Variants in SDK1 observed in about 807,000 individuals in gnomAD.
SDK1 encodes the protein protein sidekick-1.
Under a neutral mutation model 245.5 loss-of-function variants are expected in SDK1, and 157 were observed. The observed-to-expected ratio is 0.64, with a 90% confidence interval of 0.56 to 0.73. The LOEUF (loss-of-function observed/expected upper bound fraction) is 0.73, where lower values mean the gene tolerates loss of function less well. Among genes scored for constraint, SDK1 ranks in the 30% least tolerant of loss-of-function variants. The pLI is 0.00. For missense variants in SDK1, 3,583 were observed against 3,002.3 expected (o/e 1.19, Z -4.52); for synonymous variants, 1,647 against 1,278.5 (o/e 1.29, Z -6.15).
intron 28 of SDK1, among the ~76,000 whole-genome samples, chr7:4,140,343 C>T (rs1197989200): frequency 6.6e-6 from 1 of 152,160 alleles, no homozygotes; most frequent in Non-Finnish European, 1.5e-5. Flanking sequence ...CTTTCTGGAA[C>T]AATTCAGCCT....
chr7:3,920,104 G>T (rs948514476), intron 5 of SDK1, among the ~76,000 whole-genome samples: 2 of 152,210 alleles, frequency 1.3e-5, no homozygotes, highest in African/African-American at 4.8e-5. Flanking sequence ...GACAGCTCAG[G>T]AATGGCGGTG....
intron 1 of SDK1, among the ~76,000 whole-genome samples, chr7:3,425,888 A>T (rs1290645201): frequency 6.6e-6 from 1 of 152,104 alleles, no homozygotes; most frequent in African/African-American, 2.4e-5. Context: ...AAGATAAGAG[A>T]CAATAGGAGC....
intron 5 of SDK1, among the ~76,000 whole-genome samples, chr7:3,914,185 A>G (rs1374815591): frequency 6.6e-6 from 1 of 152,190 alleles, no homozygotes; most frequent in Non-Finnish European, 1.5e-5. Flanking sequence ...TTATGCCTTT[A>G]TCATAATTAG....
At chr7:3,805,725 A>G (rs1164004716) in intron 4 of SDK1, among the ~76,000 whole-genome samples, 1 of 152,178 alleles carries the variant, frequency 6.6e-6, no homozygotes, top group Non-Finnish European at 1.5e-5. Context: ...AAACACATCT[A>G]GTGCTAGTCT....
At chr7:4,109,948 C>T (rs534849103) in intron 22 of SDK1, among the ~76,000 whole-genome samples, 1 of 152,234 alleles carries the variant, frequency 6.6e-6, no homozygotes, top group South Asian at 2.1e-4. Flanking sequence ...AGCAAAGACT[C>T]GGGAGAGGAA....
At position 4,178,545 on chromosome 7, in the gene SDK1, G is replaced by A; in HGVS notation, c.5057G>A (p.Ser1686Asn). 2 of 1,613,586 alleles carry A rather than the reference G, an allele frequency of 1.2e-6. No individual in the cohort carries two copies. Among genetic ancestry groups the A allele is most frequent in the South Asian group, 1.1e-5 (1 of 91,074 alleles). The change falls in exon 35 of 45, where the codon AGC (serine) becomes AAC (asparagine). Residue 1686 changes from serine to asparagine, a missense_variant. Transcript: ENST00000404826. ...ACCGCCTATAACATCATCGGCGAGA[G>A]CCCAGCCAGCGCGCCCGTGGAGGTC... Reference protein sequence around the residue: ...IMTAYNIIGESPASAPVEVFV... With the variant: ...IMTAYNIIGENPASAPVEVFV...
At chr7:3,642,761 T>G (rs1336422918) in intron 4 of SDK1, 1 of 152,242 alleles carries the variant, frequency 6.6e-6, no homozygotes, top group East Asian at 1.9e-4. Context: ...AAAGAACACT[T>G]GGTATATATT....
intron 1 of SDK1, among the ~76,000 whole-genome samples, chr7:3,536,084 T>G (rs1216178238): frequency 6.6e-6 from 1 of 151,138 alleles, no homozygotes; most frequent in African/African-American, 2.4e-5. Flanking sequence ...TTAGACGGAG[T>G]CTCACTCTGT....
intron 1 of SDK1, among the ~76,000 whole-genome samples, chr7:3,544,199 A>G (rs1447928926): frequency 6.6e-6 from 1 of 152,232 alleles, no homozygotes; most frequent in Non-Finnish European, 1.5e-5. Flanking sequence ...AGAGTTCTGT[A>G]AGAATTCTTC....
intron 25 of SDK1, among the ~76,000 whole-genome samples, chr7:4,125,493 G>T (rs1271787268): frequency 1.3e-5 from 2 of 151,454 alleles, no homozygotes; most frequent in Non-Finnish European, 3.0e-5. Context: ...ATTGATTGAT[G>T]GATGGATGGA....
chr7:3,974,076 C>T (rs1001490298), intron 12 of SDK1, among the ~76,000 whole-genome samples: 9 of 148,936 alleles, frequency 6.0e-5, no homozygotes, highest in Admixed American at 4.8e-4. Context: ...CCCAGCTACT[C>T]AGGAGGCTGA....
intron 1 of SDK1, among the ~76,000 whole-genome samples, chr7:3,387,158 C>A (rs1165602257): frequency 6.6e-6 from 1 of 152,094 alleles, no homozygotes; most frequent in Non-Finnish European, 1.5e-5. Flanking sequence ...CGACTCATAC[C>A]CCCAAGCTAG....
At chr7:4,153,535 G>A (rs1187981547) in intron 30 of SDK1, among the ~76,000 whole-genome samples, 1 of 152,212 alleles carries the variant, frequency 6.6e-6, no homozygotes, top group Non-Finnish European at 1.5e-5. Context: ...GCAGTGAGCT[G>A]AGATCATACC....
intron 1 of SDK1, among the ~76,000 whole-genome samples, chr7:3,385,228 G>C (rs1408509213): frequency 1.3e-5 from 2 of 152,046 alleles, no homozygotes; most frequent in African/African-American, 2.4e-5. Context: ...ATAATACCTT[G>C]TAAGACTGTT....
chr7:4,179,309 G>A (rs1268963613), intron 35 of SDK1: 1 of 152,146 alleles, frequency 6.6e-6, no homozygotes, highest in African/African-American at 2.4e-5. Context: ...ATTTAGAAGG[G>A]TGTTGTTTCA....
At chr7:3,735,332 C>T (rs1229522427) in intron 4 of SDK1, among the ~76,000 whole-genome samples, 1 of 152,148 alleles carries the variant, frequency 6.6e-6, no homozygotes, top group African/African-American at 2.4e-5. Context: ...GATTCCCCTT[C>T]CCCCACAGCC....
rs763803540 is a variant in SDK1, at chr7:3,969,392, C to G, written c.1682C>G (p.Ser561Cys). Residue 561 changes from serine to cysteine, a missense_variant, in exon 11 of 45, where the codon TCC becomes TGC. Transcript: ENST00000404826. ...YTCYAANTEG[S>C]LNASATLTVW... is the part of the protein sequence containing the mutation. The stretch of plus-strand genomic sequence containing the variant: ...TGCTATGCGGCCAACACAGAGGGCT[C>G]CCTGAATGCATCGGCCACGCTCACT... 6 of 1,605,722 alleles carry G rather than the reference C, an allele frequency of 3.7e-6. No individual in the cohort carries two copies. In the African/African-American group the frequency reaches 5.4e-5, roughly 14 times the overall value.
chr7:3,844,419 C>T (rs1275690540), intron 5 of SDK1, among the ~76,000 whole-genome samples: 1 of 152,122 alleles, frequency 6.6e-6, no homozygotes, highest in Non-Finnish European at 1.5e-5. Context: ...TCAGACCCAC[C>T]CTAAATTGAA....
At chr7:3,721,807 A>G (rs1415003856) in intron 4 of SDK1, among the ~76,000 whole-genome samples, 1 of 152,216 alleles carries the variant, frequency 6.6e-6, no homozygotes, top group African/African-American at 2.4e-5. Flanking sequence ...TCTCTGCTCC[A>G]TTCTACTAGG....
Sources: gnomAD v4.1 joint callset for allele counts (sites outside exome capture counted in the v4.1 genomes callset) on GRCh38, gnomAD v4.1.1 for gene constraint, MANE v1.5 for transcripts, NCBI Gene and HGNC (gene_info 2026-07-23, HGNC 2026-07-21) for gene names.